The following TDRD3 variants were observed in gnomAD, a reference collection of about 807,000 sequenced individuals.
TDRD3 encodes the protein tudor domain-containing protein 3.
A neutral mutation model predicts 86.7 loss-of-function variants in TDRD3; 45 were observed. The observed-to-expected ratio is 0.52, with a 90% CI of 0.41 to 0.67. The LOEUF is 0.67. TDRD3 is among the 30% of genes least tolerant of loss of function. TDRD3 has a pLI of 0.00. For synonymous variants in TDRD3, 298 were observed against 301.7 expected (o/e 0.99, Z 0.13); for missense variants, 814 against 889.0 (o/e 0.92, Z 1.07).
At chr13:60,474,679 A>G (rs552694439) in intron 5 of TDRD3, among the ~76,000 whole-genome samples, 21 of 151,976 alleles carry the variant, frequency 1.4e-4, no homozygotes, top group African/African-American at 4.6e-4. Flanking sequence ...TACATTCGTT[A>G]CGAAGGTCAC....
At chr13:60,515,234 A>G (rs1957143529) in intron 10 of TDRD3, among the ~76,000 whole-genome samples, 1 of 152,208 alleles carries the variant, frequency 6.6e-6, no homozygotes, top group African/African-American at 2.4e-5. Context: ...TCAAAGTTTT[A>G]TTGCCAAAAT....
intron 7 of TDRD3, among the ~76,000 whole-genome samples, chr13:60,492,891 C>G (rs73208073): frequency 6.7e-6 from 1 of 149,578 alleles, no homozygotes; most frequent in African/African-American, 2.4e-5. Flanking sequence ...GTATTTTCTT[C>G]CGTTTCAAAT....
At chr13:60,461,831 A>C (rs1955810164) in intron 4 of TDRD3, among the ~76,000 whole-genome samples, 1 of 152,202 alleles carries the variant, frequency 6.6e-6, no homozygotes, top group Non-Finnish European at 1.5e-5. Flanking sequence ...AAATATGAGT[A>C]GGTATTTTAA....
intron 3 of TDRD3, among the ~76,000 whole-genome samples, chr13:60,449,229 C>G (rs547660045): frequency 6.6e-6 from 1 of 152,046 alleles, no homozygotes; most frequent in Non-Finnish European, 1.5e-5. Flanking sequence ...AATATGTTTC[C>G]TATATGTTAG....
At chr13:60,490,050 GTT>G (rs11397531) in intron 7 of TDRD3, among the ~76,000 whole-genome samples, 3 of 111,040 alleles carry the variant, frequency 2.7e-5, no homozygotes, top group African/African-American at 7.0e-5. Context: ...AAGCATCTTA[GTT>G]TTTTTTTTTT....
intron 5 of TDRD3, among the ~76,000 whole-genome samples, chr13:60,476,397 C>T (rs758389353): frequency 2.0e-5 from 3 of 151,778 alleles, no homozygotes; most frequent in Admixed American, 6.6e-5. Flanking sequence ...TCCATTGGTC[C>T]GTGAGTCTGT....
In TDRD3 at chr13:60,469,506, C is replaced by G. The variant is rs550774600; in HGVS notation, c.495+2127C>G. 3.0e-4 allele frequency among the ~76,000 whole-genome samples: 46 copies of G among 152,130 alleles called. 2 individuals carry two copies. In the South Asian group the frequency reaches 8.9e-3, roughly 30 times the overall value. On this transcript the variant is annotated intron_variant, in intron 5 of 13. Coordinates refer to ENST00000377881, the MANE Select transcript of TDRD3 (RefSeq NM_001146070.2). ...GCCCTTGAAATGTTTAATTATATGT[C>G]TCTGCACTTGACTTCCTGCAAGCCA...
intron 1 of TDRD3, among the ~76,000 whole-genome samples, chr13:60,406,344 C>T (rs576459576): frequency 3.3e-5 from 5 of 152,060 alleles, no homozygotes; most frequent in Admixed American, 6.6e-5. Context: ...ATGTAAAATA[C>T]GCACTGAATT....
chr13:60,436,082 A>C (rs376721079), intron 1 of TDRD3, among the ~76,000 whole-genome samples: 2 of 146,886 alleles, frequency 1.4e-5, no homozygotes, highest in African/African-American at 5.0e-5. Flanking sequence ...GTCTATTTCC[A>C]TCCTTTGCCC....
At position 60,526,468 on chromosome 13, in the gene TDRD3, C is replaced by T. The variant is rs573680953; in HGVS notation, c.1142-1899C>T. On this transcript the variant is annotated intron_variant, in intron 10 of 13. Coordinates refer to ENST00000377881, the MANE Select transcript of TDRD3 (RefSeq NM_001146070.2). ...TGATTATGGTCACTGCTATTCTTCC[C>T]GAAATCTTTACTCCTGGGCAGTAAA... Among the ~76,000 whole-genome samples the T allele has an allele frequency of 1.1e-3, 169 of 152,192 alleles. 1 individual carries two copies. The highest frequency in any genetic ancestry group is 8.3e-3 in the Admixed American group (127 of 15,292).
intron 13 of TDRD3, among the ~76,000 whole-genome samples, chr13:60,568,409 T>TA: frequency 6.6e-6 from 1 of 152,342 alleles, no homozygotes; most frequent in Middle Eastern, 3.4e-3. Flanking sequence ...GTATTTTTCT[T>TA]ACGGCATGGA....
Position 60,397,415 on chromosome 13 carries a change from G to C in TDRD3, c.41+10G>C. ...TGTCCCAGGCGGGTTGGTAAGTGGC[G>C]AGTCCCGCCGGCTGCCGGGCCGCGG... On this transcript the variant is annotated intron_variant, in intron 1 of 13. Coordinates refer to ENST00000377881, the MANE Select transcript of TDRD3 (RefSeq NM_001146070.2). 6.7e-7 allele frequency: 1 copy of C among 1,487,138 alleles called. No homozygotes were observed. Among genetic ancestry groups the C allele is most frequent in the Non-Finnish European group, 8.9e-7 (1 of 1,120,224 alleles). The allele number at this position is 1,487,138 out of a possible 1,614,324, so 92.1% of individuals were successfully genotyped here.
In TDRD3 at chr13:60,535,176, C is replaced by T. The variant is rs748576723; in HGVS notation, c.2061C>T (p.Tyr687=). 1.3e-5 allele frequency: 21 copies of T among 1,613,678 alleles called. No individual in the cohort carries two copies. In the East Asian group the frequency reaches 1.3e-4, roughly 10 times the overall value. ...GMTAVVKFID[Y]GNYEEVLLSN... is the part of the protein sequence containing the mutation. The stretch of plus-strand genomic sequence containing the variant: ...CAGCAGTTGTTAAATTCATTGACTA[C>T]GGAAACTATGAAGAGGTGCTACTGA... Residue 687 remains tyrosine, a synonymous_variant, in exon 12 of 14, where the codon TAC becomes TAT. Transcript: ENST00000377881.
intron 8 of TDRD3, among the ~76,000 whole-genome samples, chr13:60,499,051 G>A (rs986830090): frequency 2.6e-5 from 4 of 152,184 alleles, no homozygotes; most frequent in Admixed American, 2.0e-4. Flanking sequence ...GACTGGTAGG[G>A]TGAGGGTGAT....
intron 10 of TDRD3, among the ~76,000 whole-genome samples, chr13:60,522,041 T>C (rs1482718321): frequency 6.6e-6 from 1 of 152,148 alleles, no homozygotes; most frequent in Non-Finnish European, 1.5e-5. Flanking sequence ...AAGAGTAATT[T>C]TTTTACTTTT....
intron 3 of TDRD3, among the ~76,000 whole-genome samples, chr13:60,448,745 C>T (rs1955464650): frequency 6.6e-6 from 1 of 152,014 alleles, no homozygotes; most frequent in African/African-American, 2.4e-5. Context: ...GCTGTAGCAG[C>T]TTGTAAGCTA....
chr13:60,498,170 G>T (rs1277654286), intron 8 of TDRD3, among the ~76,000 whole-genome samples: 1 of 152,162 alleles, frequency 6.6e-6, no homozygotes, highest in African/African-American at 2.4e-5. Flanking sequence ...ACTCATTCCA[G>T]CTGGGAGGGT....
chr13:60,511,716 A>C (rs4886236), intron 10 of TDRD3, among the ~76,000 whole-genome samples: 1 of 151,918 alleles, frequency 6.6e-6, no homozygotes, highest in Non-Finnish European at 1.5e-5. Context: ...AGGCTCACCC[A>C]TTCTAGCAGA....
intron 4 of TDRD3, among the ~76,000 whole-genome samples, chr13:60,461,854 G>T (rs1201467024): frequency 1.3e-5 from 2 of 152,202 alleles, no homozygotes; most frequent in Admixed American, 1.3e-4. Context: ...TGCAGGGAGG[G>T]AATAGCACAT....
Sources: gnomAD v4.1 joint callset for allele counts (sites outside exome capture counted in the v4.1 genomes callset) on GRCh38, gnomAD v4.1.1 for gene constraint, MANE v1.5 for transcripts, NCBI Gene and HGNC (gene_info 2026-07-23, HGNC 2026-07-21) for gene names.